CRPPA: variants seen among roughly 807,000 people sequenced by gnomAD.
The protein encoded by CRPPA is D-ribitol-5-phosphate cytidylyltransferase.
CRPPA carries 43 observed loss-of-function variants against 52.0 expected under a neutral mutation model. The ratio of observed to expected loss-of-function variants is 0.83; its 90% CI spans 0.65 to 1.07. The LOEUF is 1.07. CRPPA is among the 50% of genes least tolerant of loss of function. CRPPA has a pLI of 0.00. For synonymous variants in CRPPA, 250 were observed against 203.5 expected, an observed-to-expected ratio of 1.23 and a Z score of -1.94; for missense variants, 629 against 551.7, an observed-to-expected ratio of 1.14 and a Z score of -1.40.
intron 8 of CRPPA, among the ~76,000 whole-genome samples, chr7:16,229,446 A>C (rs560441112): frequency 1.3e-5 from 2 of 152,084 alleles, no homozygotes; most frequent in Non-Finnish European, 2.9e-5. Context: ...ATCTAATATA[A>C]GTTTTTGCTT....
At chr7:16,114,260 T>C (rs575801155) in intron 9 of CRPPA, among the ~76,000 whole-genome samples, 25 of 151,024 alleles carry the variant, frequency 1.7e-4, no homozygotes, top group Non-Finnish European at 3.0e-4. Context: ...TCTCCAAAAA[T>C]AGTACTGAAC....
intron 8 of CRPPA, among the ~76,000 whole-genome samples, chr7:16,230,707 A>G (rs6956986): frequency 0.4 from 60,190 of 151,932 alleles, 12,216 homozygotes; most frequent in Admixed American, 0.47. Flanking sequence ...ATTGTTCTTG[A>G]TGCTTTTGGT....
At chr7:16,359,844 G>A (rs1345138774) in intron 3 of CRPPA, among the ~76,000 whole-genome samples, 1 of 152,072 alleles carries the variant, frequency 6.6e-6, no homozygotes, top group African/African-American at 2.4e-5. Context: ...GTAATTTTGT[G>A]CCTTTGAGAT....
chr7:16,149,482 G>T (rs1294616071), intron 9 of CRPPA, among the ~76,000 whole-genome samples: 1 of 152,008 alleles, frequency 6.6e-6, no homozygotes, highest in East Asian at 1.9e-4. Context: ...TTCTCATTAC[G>T]GTCTGAGAAA....
chr7:16,340,729 A>G (rs1156430313), intron 3 of CRPPA, among the ~76,000 whole-genome samples: 1 of 152,156 alleles, frequency 6.6e-6, no homozygotes, highest in Non-Finnish European at 1.5e-5. Context: ...AACTCTTACA[A>G]TATGATCCAG....
At chr7:16,408,407 T>A (rs138948899) in intron 1 of CRPPA, among the ~76,000 whole-genome samples, 1 of 152,080 alleles carries the variant, frequency 6.6e-6, no homozygotes, top group East Asian at 1.9e-4. Flanking sequence ...GTAAAGGCCA[T>A]GGCAAGGTCC....
chr7:16,363,057 T>C (rs1786498785), intron 3 of CRPPA, among the ~76,000 whole-genome samples: 1 of 152,166 alleles, frequency 6.6e-6, no homozygotes, highest in African/African-American at 2.4e-5. Context: ...AGAGAAAGCC[T>C]AGATATTCAA....
intron 5 of CRPPA, among the ~76,000 whole-genome samples, chr7:16,291,835 T>A (rs1273665446): frequency 6.6e-6 from 1 of 151,916 alleles, no homozygotes; most frequent in Admixed American, 6.6e-5. Flanking sequence ...TAAATATGTA[T>A]AAATACATAC....
chr7:16,326,513 T>C (rs1465712848), intron 3 of CRPPA, among the ~76,000 whole-genome samples: 2 of 152,232 alleles, frequency 1.3e-5, no homozygotes, highest in South Asian at 2.1e-4. Flanking sequence ...AAGTTCATTA[T>C]GAGCTAAAAT....
At chr7:16,275,747 G>A (rs539226186) in intron 6 of CRPPA, among the ~76,000 whole-genome samples, 1 of 152,092 alleles carries the variant, frequency 6.6e-6, no homozygotes, top group South Asian at 2.1e-4. Context: ...TGGGAGGATC[G>A]CTTGAGCCCA....
At chr7:16,251,209 G>A (rs191952465) in intron 8 of CRPPA, among the ~76,000 whole-genome samples, 113 of 152,252 alleles carry the variant, frequency 7.4e-4, no homozygotes, top group African/African-American at 2.5e-3. Context: ...CAATACAGGA[G>A]CACCCAGATT....
chr7:16,289,432 A>T (rs1291067304), intron 5 of CRPPA, among the ~76,000 whole-genome samples: 1 of 152,122 alleles, frequency 6.6e-6, no homozygotes, highest in Non-Finnish European at 1.5e-5. Flanking sequence ...AAACCCCCGA[A>T]GAAAACATTA....
intron 9 of CRPPA, among the ~76,000 whole-genome samples, chr7:16,157,359 C>A (rs577639563): frequency 5.9e-5 from 9 of 152,148 alleles, no homozygotes; most frequent in African/African-American, 2.2e-4. Context: ...GATTCTGCAA[C>A]AAGTCCGTAT....
At chr7:16,190,427 GAA>G (rs988729532) in intron 9 of CRPPA, among the ~76,000 whole-genome samples, 41 of 152,264 alleles carry the variant, frequency 2.7e-4, no homozygotes, top group African/African-American at 9.9e-4. Flanking sequence ...GTTACAAAAT[GAA>G]AAGAGTAACT....
At chr7:16,338,576 A>C (rs1785744768) in intron 3 of CRPPA, among the ~76,000 whole-genome samples, 1 of 152,182 alleles carries the variant, frequency 6.6e-6, no homozygotes, top group South Asian at 2.1e-4. Context: ...AAATGGAAGA[A>C]AGGGCATAAC....
At position 16,328,456 on chromosome 7, in the gene CRPPA, GT is replaced by G. The variant is rs1163052097; in HGVS notation, c.685-19830del. On this transcript the variant is annotated intron_variant, in intron 3 of 9. Transcript: ENST00000407010. The stretch of plus-strand genomic sequence containing the variant: ...ATTGTTAGAAATAAATTAATAAATG[GT>G]TGCTTTCTTTAAAAGAACCACAGAT... Among the ~76,000 whole-genome samples the G allele has an allele frequency of 3.4e-5, 5 of 149,124 alleles. No homozygotes were observed. In the Admixed American group the frequency reaches 3.4e-4, roughly 10 times the overall value.
chr7:16,324,079 A>G (rs891842341), intron 3 of CRPPA, among the ~76,000 whole-genome samples: 2 of 152,202 alleles, frequency 1.3e-5, no homozygotes, highest in Non-Finnish European at 2.9e-5. Context: ...CATGACCACA[A>G]AATGAAACAC....
chr7:16,212,963 T>C (rs1304397420), intron 9 of CRPPA, among the ~76,000 whole-genome samples: 1 of 152,236 alleles, frequency 6.6e-6, no homozygotes, highest in African/African-American at 2.4e-5. Flanking sequence ...AGGTTAAAGA[T>C]AAAACTGCTT....
Position 16,247,156 on chromosome 7 carries a change from C to A in CRPPA, c.1119+11234G>T, listed in dbSNP as rs376822158. Among the ~76,000 whole-genome samples, 68 of 152,350 alleles carry A rather than the reference C, an allele frequency of 4.5e-4. 1 individual carries two copies. Among genetic ancestry groups the A allele is most frequent in the Admixed American group, 1.3e-3 (20 of 15,288 alleles). On this transcript the variant is annotated intron_variant, in intron 8 of 9. Coordinates refer to ENST00000407010, the MANE Select transcript of CRPPA (RefSeq NM_001101426.4). ...ACCTTGCACTTTTCTGTTATGAAGA[C>A]AATTCTGTCTTTTTAAACCACATGA...
Sources: gnomAD v4.1 joint callset for allele counts (sites outside exome capture counted in the v4.1 genomes callset) on GRCh38, gnomAD v4.1.1 for gene constraint, MANE v1.5 for transcripts, NCBI Gene and HGNC (gene_info 2026-07-23, HGNC 2026-07-21) for gene names.